The following SMG1 variants were observed in gnomAD, a reference collection of about 807,000 sequenced individuals.
SMG1 encodes serine/threonine-protein kinase SMG1.
Under a neutral mutation model 419.9 loss-of-function variants are expected in SMG1, and 22 were observed. That is an observed-to-expected ratio of 0.05 (90% CI 0.04 to 0.07). The LOEUF (loss-of-function observed/expected upper bound fraction) is 0.07. Ranked by LOEUF, SMG1 falls within the 10% of genes least tolerant of loss-of-function variation. SMG1 has a pLI of 1.00. For synonymous variants in SMG1, 1,538 were observed against 1,553.5 expected (o/e 0.99, Z 0.23); for missense variants, 3,185 against 4,342.0 (o/e 0.73, Z 7.49).
rs758842955 is a variant in SMG1, at chr16:18,863,730, T to C, written c.3615A>G (p.Glu1205=). ...TCAAGTCATGGATAGCGTTCTGCCA[T>C]TCCTGCACAGCAGCCCAATCGGCAA... The part of the protein sequence containing the change: ...ISIADWAAVQ[E]WQNAIHDLKK... Residue 1205 remains glutamate, a synonymous_variant, in exon 25 of 63, where the codon GAA becomes GAG. Transcript: ENST00000446231. The C allele has an allele frequency of 6.3e-7, 1 of 1,588,804 alleles. No homozygotes were observed. Among genetic ancestry groups the C allele is most frequent in the African/African-American group, 1.3e-5 (1 of 74,666 alleles).
At position 18,859,608 on chromosome 16, in the gene SMG1, C is replaced by T. The variant is rs1376717850; in HGVS notation, c.3901G>A (p.Ala1301Thr). ...VQLLRSSVCL[A>T]TALNPIEQDQ... ...TGTTCTATCGGGTTTAAAGCAGTTG[C>T]CAAACAAACAGAACTTCTTAACAAT... Residue 1301 changes from alanine to threonine, a missense_variant, in exon 27 of 63, where the codon GCA (alanine) becomes ACA (threonine). Ala to Thr is a moderately conservative substitution (Grantham distance 58). Coordinates refer to ENST00000446231, the MANE Select transcript of SMG1 (RefSeq NM_015092.5). 6.2e-7 allele frequency: 1 copy of T among 1,607,780 alleles called. No homozygotes were observed. Among genetic ancestry groups the T allele is most frequent in the African/African-American group, 1.3e-5 (1 of 74,844 alleles).
At chr16:18,910,128 A>C (rs913042734) in intron 1 of SMG1, among the ~76,000 whole-genome samples, 3 of 151,770 alleles carry the variant, frequency 2.0e-5, no homozygotes, top group African/African-American at 7.3e-5. Context: ...AGACAGTGGC[A>C]CAATCACAGC....
At chr16:18,915,100 T>C (rs910908507) in intron 1 of SMG1, among the ~76,000 whole-genome samples, 2 of 151,972 alleles carry the variant, frequency 1.3e-5, no homozygotes, top group African/African-American at 2.4e-5. Flanking sequence ...GCCTCCTGAA[T>C]AGCTGGGACT....
intron 3 of SMG1, among the ~76,000 whole-genome samples, chr16:18,893,512 C>T (rs1320751887): frequency 6.6e-6 from 1 of 152,170 alleles, no homozygotes; most frequent in Non-Finnish European, 1.5e-5. Flanking sequence ...GTAATCCCAG[C>T]TACTCAGGAG....
chr16:18,888,529 G>A (rs2036738847), intron 6 of SMG1, among the ~76,000 whole-genome samples: 2 of 150,254 alleles, frequency 1.3e-5, no homozygotes, highest in Non-Finnish European at 1.5e-5. Context: ...AGGCAATGGT[G>A]TGATCTCGGC....
intron 5 of SMG1, 143 bp downstream of exon 5, chr16:18,890,720 G>T: frequency 1.6e-6 from 1 of 617,994 alleles, no homozygotes; most frequent in East Asian, 2.8e-5. Context: ...CATAATTAAT[G>T]CAGATAAAAA....
chr16:18,869,156 A>C lies in SMG1; in HGVS notation c.2781T>G (p.Ser927=). Residue 927 remains serine, a synonymous_variant, in exon 20 of 63, where the codon TCT becomes TCG. Coordinates refer to ENST00000446231, the MANE Select transcript of SMG1 (RefSeq NM_015092.5). ...CTCTGCCCAGTGGGGTTCTCAGCTT[A>C]GAAAGAACAGTGAATTGTGCAGCTT... ...IWEAAQFTVL[S]KLRTPLGRAQ... is the part of the protein sequence containing the mutation. 6.2e-7 allele frequency: 1 copy of C among 1,611,770 alleles called. No individual in the cohort carries two copies. Among genetic ancestry groups the C allele is most frequent in the South Asian group, 1.1e-5 (1 of 90,990 alleles).
In SMG1 at chr16:18,908,463, C is replaced by T. The variant is rs561330274; in HGVS notation, c.93-11507G>A. Reference sequence around the variant, plus strand: ...CTGCACTCCAGCCTAGGTAACAGAGCGAGACTCCGTCTCAAAAAAAAAAAA... The same window carrying T: ...CTGCACTCCAGCCTAGGTAACAGAGTGAGACTCCGTCTCAAAAAAAAAAAA... On this transcript the variant is annotated intron_variant, in intron 1 of 62. Transcript: ENST00000446231. Among the ~76,000 whole-genome samples, 188 of 121,924 alleles carry T rather than the reference C, an allele frequency of 1.5e-3. 3 individuals carry two copies. The highest frequency in any genetic ancestry group is 5.6e-3 in the African/African-American group (167 of 29,876). The allele number at this position is 121,924 out of a possible 152,430, so 80.0% of individuals were successfully genotyped here.
intron 56 of SMG1, among the ~76,000 whole-genome samples, chr16:18,819,133 T>C (rs1345892859): frequency 6.6e-6 from 1 of 152,252 alleles, no homozygotes; most frequent in Admixed American, 6.5e-5. Context: ...GCACAAGGTC[T>C]TAAGACGTTT....
In SMG1 at chr16:18,915,499, T is replaced by TA. The variant is rs1427227960; in HGVS notation, c.92+10450dup. On this transcript the variant is annotated intron_variant, in intron 1 of 62. Coordinates refer to ENST00000446231, the MANE Select transcript of SMG1 (RefSeq NM_015092.5). ...TTGCAGGATCTCATTTTCATGTATT[T>TA]ACTTGAGGAAGACACAAATATAGAG... 2.0e-5 allele frequency among the ~76,000 whole-genome samples: 3 copies of TA among 152,260 alleles called. No individual in the cohort carries two copies. In the East Asian group the frequency reaches 5.8e-4, roughly 30 times the overall value.
At chr16:18,891,551 C>T (rs9646253) in intron 4 of SMG1, among the ~76,000 whole-genome samples, 46,807 of 151,818 alleles carry the variant, frequency 0.31, 7,961 homozygotes, top group Non-Finnish European at 0.38. Context: ...TTCTCCTGCT[C>T]AGCCTCCCAT....
In SMG1 at chr16:18,834,499, G is replaced by T; in HGVS notation, c.8331-61C>A. 2.7e-6 allele frequency: 4 copies of T among 1,481,630 alleles called. No homozygotes were observed. The South Asian group carries it at 4.9e-5, about 18-fold the overall frequency. The allele number at this position is 1,481,630 out of a possible 1,614,324, so 91.8% of individuals were successfully genotyped here. A position where few individuals can be genotyped will look rare whatever the true frequency, so the allele number is the denominator to read the frequency against. On this transcript the variant is annotated intron_variant, in intron 49 of 62. Coordinates refer to ENST00000446231, the MANE Select transcript of SMG1 (RefSeq NM_015092.5). Reference sequence around the variant, plus strand: ...ATGTATAAACAAAACAAGGTAACTGGCCGGGTCAAGGCCATGCCTGTAATT... The same window carrying T: ...ATGTATAAACAAAACAAGGTAACTGTCCGGGTCAAGGCCATGCCTGTAATT...
Position 18,806,026 on chromosome 16 carries a change from G to C in SMG1, c.*3543C>G, listed in dbSNP as rs1367432658. 6.6e-6 allele frequency: 1 copy of C among 152,514 alleles called. No homozygotes were observed. Among genetic ancestry groups the C allele is most frequent in the African/African-American group, 2.4e-5 (1 of 41,394 alleles). 9.4% of individuals were successfully genotyped at this position (152,514 alleles called of 1,614,324 possible). A position where few individuals can be genotyped will look rare whatever the true frequency, so the allele number is the denominator to read the frequency against. ...CCCCAGAGTTAATTACAAAAATGTAGAGGAAAATAGGCCCGGAAGACTTTG... is the reference window on the plus strand; with the variant it reads ...CCCCAGAGTTAATTACAAAAATGTACAGGAAAATAGGCCCGGAAGACTTTG... On this transcript the variant is annotated 3_prime_UTR_variant, in exon 63 of 63. Transcript: ENST00000446231.
In SMG1 at chr16:18,876,280, G is replaced by A; in HGVS notation, c.1734C>T (p.Asn578=). The change falls in exon 13 of 63, where the codon AAC becomes AAT. Residue 578 remains asparagine, a synonymous_variant. Coordinates refer to ENST00000446231, the MANE Select transcript of SMG1 (RefSeq NM_015092.5). ...CAGGAAGTTGTAGACTGTGTAGGAG[G>A]TTGTTTAGGGCACAAGTCATTTCTC... is the stretch of plus-strand genomic sequence containing the variant. ...ILGEMTCALN[N]LLHSLQLPEA... 1 of 1,611,760 alleles carries A rather than the reference G, an allele frequency of 6.2e-7. No homozygotes were observed. The highest frequency in any genetic ancestry group is 8.5e-7 in the Non-Finnish European group (1 of 1,179,682).
chr16:18,907,845 CAAAAA>C (rs71141092), intron 1 of SMG1, among the ~76,000 whole-genome samples: 27 of 54,976 alleles, frequency 4.9e-4, no homozygotes, highest in South Asian at 1.1e-3. Context: ...GAACGAGACT[CAAAAA>C]AAAAAAAAAA....
intron 1 of SMG1, among the ~76,000 whole-genome samples, chr16:18,900,652 AG>A (rs1188666787): frequency 6.6e-6 from 1 of 152,206 alleles, no homozygotes; most frequent in Non-Finnish European, 1.5e-5. Context: ...AGGTTTATTA[AG>A]GGATTTTGCT....
chr16:18,833,080 C>A lies in SMG1; in HGVS notation c.8652G>T (p.Leu2884=), dbSNP rs1397607930. ...MKGEYTLESM[L]HELDGLIEQT... ...GCTCAATAAGACCGTCCAGTTCATG[C>A]AGCATACTTTCTAACGTGTATTCCC... The change falls in exon 51 of 63, where the codon CTG becomes CTT. Residue 2884 remains leucine (L), a synonymous_variant. Transcript: ENST00000446231. 2 of 1,613,976 alleles carry A rather than the reference C, an allele frequency of 1.2e-6. No homozygotes were observed. Among genetic ancestry groups the A allele is most frequent in the Admixed American group, 3.3e-5 (2 of 60,018 alleles).
chr16:18,905,670 T>G (rs771214320), intron 1 of SMG1, among the ~76,000 whole-genome samples: 1 of 151,186 alleles, frequency 6.6e-6, no homozygotes, highest in African/African-American at 2.4e-5. Flanking sequence ...TGGAGTATAG[T>G]GGTGCAATAC....
At chr16:18,846,531 A>G (rs2034277428) in intron 38 of SMG1, among the ~76,000 whole-genome samples, 2 of 152,208 alleles carry the variant, frequency 1.3e-5, no homozygotes, top group African/African-American at 4.8e-5. Flanking sequence ...CAACAATAAA[A>G]AAACAAAAAA....
Sources: gnomAD v4.1 joint callset for allele counts (sites outside exome capture counted in the v4.1 genomes callset) on GRCh38, gnomAD v4.1.1 for gene constraint, MANE v1.5 for transcripts, NCBI Gene and HGNC (gene_info 2026-07-23, HGNC 2026-07-21) for gene names.